Variants in CPNE8 observed in about 807,000 individuals in gnomAD.
CPNE8 encodes copine-8.
CPNE8 carries 45 observed loss-of-function variants against 81.5 expected under a neutral mutation model. The observed-to-expected ratio is 0.55, with a 90% CI of 0.44 to 0.71. The LOEUF (loss-of-function observed/expected upper bound fraction) is 0.71, where lower values mean the gene tolerates loss of function less well. Among genes scored for constraint, CPNE8 ranks in the 30% least tolerant of loss-of-function variants. The pLI, the probability that CPNE8 is intolerant of heterozygous loss-of-function variation, is 0.00. For missense variants in CPNE8, 594 were observed against 672.1 expected (o/e 0.88, Z 1.28); for synonymous variants, 252 against 226.3 (o/e 1.11, Z -1.02).
At chr12:38,735,109 T>A (rs1419658176) in intron 10 of CPNE8, among the ~76,000 whole-genome samples, 1 of 152,114 alleles carries the variant, frequency 6.6e-6, no homozygotes, top group Admixed American at 6.6e-5. Context: ...TCTTTTCTCA[T>A]GGGGAACAAC....
At chr12:38,669,237 A>G (rs1464327171) in intron 19 of CPNE8, among the ~76,000 whole-genome samples, 6 of 152,088 alleles carry the variant, frequency 3.9e-5, no homozygotes, top group Admixed American at 3.3e-4. Flanking sequence ...TAAAAAAACT[A>G]TTTTACAGAA....
At chr12:38,890,937 G>T (rs1287128820) in intron 1 of CPNE8, among the ~76,000 whole-genome samples, 2 of 147,348 alleles carry the variant, frequency 1.4e-5, no homozygotes, top group Non-Finnish European at 3.0e-5. Flanking sequence ...TATTTTTTTT[G>T]AGAGAGAGAG....
rs1367377514 is a variant in CPNE8 at position 38,652,954 on chromosome 12, C to A, written c.*928G>T. On this transcript the variant is annotated 3_prime_UTR_variant, in exon 20 of 20. Coordinates refer to ENST00000331366, the MANE Select transcript of CPNE8 (RefSeq NM_153634.3). ...AAATTCCGATCAAGAGAGCCAGTATCCCTTTGAATTAAAATATCTAGACAA... is the reference window on the plus strand; with the variant it reads ...AAATTCCGATCAAGAGAGCCAGTATACCTTTGAATTAAAATATCTAGACAA... 2.0e-5 allele frequency: 3 copies of A among 152,532 alleles called. No individual in the cohort carries two copies. Among genetic ancestry groups the A allele is most frequent in the Admixed American group, 6.5e-5 (1 of 15,274 alleles). 9.4% of individuals were successfully genotyped at this position (152,532 alleles called of 1,614,324 possible).
At chr12:38,888,891 T>TC (rs577836825) in intron 1 of CPNE8, among the ~76,000 whole-genome samples, 105 of 152,362 alleles carry the variant, frequency 6.9e-4, no homozygotes, top group African/African-American at 2.3e-3. Flanking sequence ...CTTCAGGCCT[T>TC]CCAGCCATGG....
chr12:38,805,671 A>T lies in CPNE8; in HGVS notation c.407+23708T>A, dbSNP rs1279401662. 1.1e-3 allele frequency among the ~76,000 whole-genome samples: 41 copies of T among 37,804 alleles called. 2 individuals carry two copies. In the South Asian group the frequency reaches 0.036, roughly 33 times the overall value. The allele number at this position is 37,804 out of a possible 152,430, so 24.8% of individuals were successfully genotyped here. On this transcript the variant is annotated intron_variant, in intron 6 of 19. Transcript: ENST00000331366. Reference sequence around the variant, plus strand: ...AAACTTAGAGTATAATAAAAAAAAAAAACATTAAAAAAAAAAAAAAGAACT... The same window carrying T: ...AAACTTAGAGTATAATAAAAAAAAATAACATTAAAAAAAAAAAAAAGAACT...
intron 19 of CPNE8, among the ~76,000 whole-genome samples, chr12:38,665,955 T>C (rs1426750276): frequency 6.6e-6 from 1 of 152,150 alleles, no homozygotes; most frequent in Non-Finnish European, 1.5e-5. Context: ...AAAAATGCCT[T>C]CCTACTGGAC....
intron 13 of CPNE8, among the ~76,000 whole-genome samples, chr12:38,719,259 A>T (rs976552363): frequency 6.6e-6 from 1 of 152,162 alleles, no homozygotes; most frequent in Non-Finnish European, 1.5e-5. Context: ...GGGTGTCATG[A>T]CCAAGCTAGA....
intron 19 of CPNE8, 99 bp downstream of exon 19, chr12:38,670,630 A>G: frequency 1.4e-6 from 1 of 725,192 alleles, no homozygotes; most frequent in Non-Finnish European, 2.3e-6. Context: ...ATAGAAAAGC[A>G]TCATTAAAAA....
At chr12:38,722,818 C>T (rs1294445804) in intron 13 of CPNE8, among the ~76,000 whole-genome samples, 3 of 152,006 alleles carry the variant, frequency 2.0e-5, no homozygotes, top group African/African-American at 4.8e-5. Flanking sequence ...CCCCCTGTGT[C>T]GAGGGAGGGA....
intron 10 of CPNE8, among the ~76,000 whole-genome samples, chr12:38,733,765 T>C (rs944574387): frequency 4.6e-5 from 7 of 151,970 alleles, no homozygotes; most frequent in Non-Finnish European, 7.4e-5. Context: ...CTGTAGCTAG[T>C]AATTTGGCTC....
chr12:38,756,039 C>CAAAAAAAAAAAA (rs60851774), intron 10 of CPNE8, among the ~76,000 whole-genome samples: 16 of 82,322 alleles, frequency 1.9e-4, no homozygotes, highest in South Asian at 5.1e-4. Flanking sequence ...GACTCCGTCT[C>CAAAAAAAAAAAA]AAAAAAAAAA....
chr12:38,905,754 C>A (rs1042336042), upstream of CPNE8: 4 of 1,393,456 alleles, frequency 2.9e-6, no homozygotes, highest in African/African-American at 5.8e-5. Context: ...CGCTGCCAGG[C>A]AAGTGGCGCG....
intron 6 of CPNE8, among the ~76,000 whole-genome samples, chr12:38,805,782 C>CA (rs1372752026): frequency 1.4e-5 from 2 of 147,342 alleles, no homozygotes; most frequent in East Asian, 2.3e-4. Context: ...AATAGAGACA[C>CA]AAAAAACCCT....
At chr12:38,796,052 G>C (rs1299566073) in intron 6 of CPNE8, among the ~76,000 whole-genome samples, 1 of 152,198 alleles carries the variant, frequency 6.6e-6, no homozygotes, top group Non-Finnish European at 1.5e-5. Flanking sequence ...CTTGAGTTCA[G>C]GAGTTAGAGA....
chr12:38,663,791 G>A (rs897589116), intron 19 of CPNE8, among the ~76,000 whole-genome samples: 4 of 152,136 alleles, frequency 2.6e-5, no homozygotes, highest in Middle Eastern at 3.4e-3. Context: ...ATACTATTTC[G>A]CCATAAAAAA....
chr12:38,736,701 G>A (rs1460134787), intron 10 of CPNE8, among the ~76,000 whole-genome samples: 1 of 151,894 alleles, frequency 6.6e-6, no homozygotes, highest in Admixed American at 6.6e-5. Context: ...CCAGAATATT[G>A]TCAAACAAAA....
At chr12:38,766,774 A>T (rs940958653) in intron 8 of CPNE8, among the ~76,000 whole-genome samples, 1 of 152,142 alleles carries the variant, frequency 6.6e-6, no homozygotes, top group Non-Finnish European at 1.5e-5. Flanking sequence ...AAAAACAAAA[A>T]AGAAAATATT....
At chr12:38,798,816 G>T (rs924702007) in intron 6 of CPNE8, among the ~76,000 whole-genome samples, 1 of 152,102 alleles carries the variant, frequency 6.6e-6, no homozygotes, top group African/African-American at 2.4e-5. Context: ...CTCACATGCA[G>T]AGACACACAT....
chr12:38,771,205 C>A (rs979883013), intron 7 of CPNE8, among the ~76,000 whole-genome samples: 1 of 151,864 alleles, frequency 6.6e-6, no homozygotes, highest in African/African-American at 2.4e-5. Flanking sequence ...ATGACTGTAA[C>A]CCCAGCGCTT....
Sources: allele counts gnomAD v4.1 joint callset (sites outside exome capture counted in the v4.1 genomes callset), GRCh38; gene constraint gnomAD v4.1.1; transcripts MANE v1.5; gene names NCBI Gene and HGNC (gene_info 2026-07-23, HGNC 2026-07-21).